YEATS2: variants seen among roughly 807,000 people sequenced by gnomAD.
YEATS2 encodes the protein YEATS domain containing 2, also known as YEATS domain-containing protein 2.
A neutral mutation model predicts 163.2 loss-of-function variants in YEATS2; 77 were observed. That is an observed-to-expected ratio of 0.47 (90% CI 0.39 to 0.57). The LOEUF (loss-of-function observed/expected upper bound fraction) is 0.57, where lower values mean the gene tolerates loss of function less well. Among genes scored for constraint, YEATS2 ranks in the 20% least tolerant of loss-of-function variants. YEATS2 has a pLI of 0.00. For missense variants in YEATS2, 1,549 were observed against 1,729.8 expected (o/e 0.90, Z 1.85); for synonymous variants, 631 against 645.1 (o/e 0.98, Z 0.33).
In YEATS2 at chr3:183,762,123, A is replaced by G; in HGVS notation, c.1791A>G (p.Glu597=). 1.2e-6 allele frequency: 2 copies of G among 1,614,146 alleles called. No homozygotes were observed. Among genetic ancestry groups the G allele is most frequent in the African/African-American group, 2.7e-5 (2 of 75,032 alleles). ...TGATCATCAAACAGGAACCTGGTGA[A>G]GCCCCTCACGTGCCCGCAACAGGAG... ...TKVIIKQEPG[E]APHVPATGAA... Residue 597 remains glutamate (E), a synonymous_variant, in exon 15 of 31, where the codon GAA becomes GAG. Coordinates refer to ENST00000305135, the MANE Select transcript of YEATS2 (RefSeq NM_018023.5).
Position 183,781,554 on chromosome 3 carries a change from A to G in YEATS2, c.2736+3854A>G, listed in dbSNP as rs538094889. ...CATCCCTCAGCCCACTCAAGTTGAC[A>G]TAAAATTAACCATCACAACAGTACT... is the stretch of plus-strand genomic sequence containing the variant. On this transcript the variant is annotated intron_variant, in intron 19 of 30. Transcript: ENST00000305135. 7.2e-5 allele frequency among the ~76,000 whole-genome samples: 11 copies of G among 152,326 alleles called. No homozygotes were observed. The East Asian group carries it at 1.2e-3, about 16-fold the overall frequency.
Position 183,790,827 on chromosome 3 carries a change from A to G in YEATS2, c.2944A>G (p.Thr982Ala). Residue 982 changes from threonine (T) to alanine (A), a missense_variant, in exon 21 of 31, where the codon ACG becomes GCG. Physicochemically the swap from Thr to Ala is moderately conservative, Grantham distance 58. Coordinates refer to ENST00000305135, the MANE Select transcript of YEATS2 (RefSeq NM_018023.5). ...AGGAATGGCTCCCGTGTCTTCATCT[A>G]CGGTCAGTTCTGTAACGAAAACTTC... Reference protein sequence around the residue: ...SEGMAPVSSSTVSSVTKTSGQ... With the variant: ...SEGMAPVSSSAVSSVTKTSGQ... The G allele has an allele frequency of 2.5e-6, 4 of 1,614,086 alleles. No homozygotes were observed. Among genetic ancestry groups the G allele is most frequent in the African/African-American group, 1.3e-5 (1 of 75,020 alleles).
At chr3:183,780,073 G>C (rs1359148712) in intron 19 of YEATS2, among the ~76,000 whole-genome samples, 1 of 149,684 alleles carries the variant, frequency 6.7e-6, no homozygotes. Flanking sequence ...AAATTGCTGT[G>C]GTTTCAGATT....
chr3:183,758,654 C>A (rs1178193591), intron 12 of YEATS2, among the ~76,000 whole-genome samples: 1 of 151,990 alleles, frequency 6.6e-6, no homozygotes, highest in African/African-American at 2.4e-5. Flanking sequence ...CAGCTTCTTA[C>A]CTTCTTCAGG....
chr3:183,701,067 G>A (rs919744055), intron 1 of YEATS2, among the ~76,000 whole-genome samples: 2 of 150,898 alleles, frequency 1.3e-5, no homozygotes, highest in African/African-American at 2.4e-5. Flanking sequence ...GTGTGTGTGT[G>A]TGTGTATATA....
chr3:183,781,385 C>T (rs776553351), intron 19 of YEATS2, among the ~76,000 whole-genome samples: 24 of 152,164 alleles, frequency 1.6e-4, no homozygotes, highest in Non-Finnish European at 3.2e-4. Flanking sequence ...AGAGAGAATT[C>T]GCCCATTGTC....
At chr3:183,745,007 T>C (rs904507690) in intron 8 of YEATS2, among the ~76,000 whole-genome samples, 18 of 152,108 alleles carry the variant, frequency 1.2e-4, no homozygotes, top group African/African-American at 4.3e-4. Context: ...CACGCCACCA[T>C]GCCCAGCTAA....
At chr3:183,732,807 C>G (rs1197564727) in intron 7 of YEATS2, among the ~76,000 whole-genome samples, 2 of 152,164 alleles carry the variant, frequency 1.3e-5, no homozygotes, top group Non-Finnish European at 2.9e-5. Flanking sequence ...GATCTGCCCA[C>G]CTCGGCCTCC....
At chr3:183,753,171 G>A (rs1391496263) in intron 10 of YEATS2, among the ~76,000 whole-genome samples, 2 of 152,074 alleles carry the variant, frequency 1.3e-5, no homozygotes, top group African/African-American at 2.4e-5. Flanking sequence ...GCTTCTGATT[G>A]TGCGAGCAAG....
intron 20 of YEATS2, among the ~76,000 whole-genome samples, chr3:183,789,515 A>G (rs1340124360): frequency 7.6e-6 from 1 of 131,784 alleles, no homozygotes; most frequent in Non-Finnish European, 1.6e-5. Context: ...TTTCAGATTC[A>G]TTCGAGTTAA....
intron 5 of YEATS2, among the ~76,000 whole-genome samples, chr3:183,724,027 A>T (rs1262219978): frequency 2.0e-5 from 3 of 152,234 alleles, no homozygotes; most frequent in African/African-American, 7.2e-5. Flanking sequence ...TGTACCAGGC[A>T]CTTATTTCTC....
chr3:183,721,964 C>G lies in YEATS2; in HGVS notation c.365C>G (p.Ser122Ter). The G allele has an allele frequency of 6.2e-7, 1 of 1,614,116 alleles. No homozygotes were observed. Among genetic ancestry groups the G allele is most frequent in the Non-Finnish European group, 8.5e-7 (1 of 1,180,024 alleles). Residue 122 changes from serine (S) to a stop codon, truncating the protein, a stop_gained, in exon 5 of 31, where the codon TCA (serine) becomes TGA (stop). Coordinates refer to ENST00000305135, the MANE Select transcript of YEATS2 (RefSeq NM_018023.5). LOFTEE classifies it high-confidence loss of function. ...IKKFLESPSR[S>*]SSPANQRAET... ...AAATTTTTGGAATCACCATCTAGGT[C>G]ATCATCTCCTGCCAATCAGAGAGCA... is the stretch of plus-strand genomic sequence containing the variant.
At chr3:183,701,084 A>AT (rs1714038284) in intron 1 of YEATS2, among the ~76,000 whole-genome samples, 1 of 145,458 alleles carries the variant, frequency 6.9e-6, no homozygotes, top group African/African-American at 2.6e-5. Context: ...TATATATATA[A>AT]ATTTTTTTTT....
chr3:183,790,793 G>A lies in YEATS2; in HGVS notation c.2914-4G>A, dbSNP rs1315150980. On this transcript the variant is annotated splice_region_variant and splice_polypyrimidine_tract_variant and intron_variant, in intron 20 of 30. Transcript: ENST00000305135. ...GTGTTGTTTCGGACCCCATGGGTGA[G>A]CAGTCTGAAGGAATGGCTCCCGTGT... 1.9e-6 allele frequency: 3 copies of A among 1,612,426 alleles called. No homozygotes were observed. The highest frequency in any genetic ancestry group is 2.5e-6 in the Non-Finnish European group (3 of 1,178,626).
chr3:183,787,727 G>A (rs1724194914), intron 20 of YEATS2, among the ~76,000 whole-genome samples: 1 of 152,096 alleles, frequency 6.6e-6, no homozygotes, highest in African/African-American at 2.4e-5. Context: ...GCTGGGCGCA[G>A]TGGCTCATGC....
intron 1 of YEATS2, among the ~76,000 whole-genome samples, chr3:183,709,142 A>G (rs1714922101): frequency 1.3e-5 from 2 of 151,796 alleles, no homozygotes; most frequent in Non-Finnish European, 2.9e-5. Flanking sequence ...CCTGGGCGAC[A>G]AAAGTGAGAC....
intron 6 of YEATS2, among the ~76,000 whole-genome samples, chr3:183,725,116 T>G (rs1716950015): frequency 6.6e-6 from 1 of 150,724 alleles, no homozygotes; most frequent in African/African-American, 2.4e-5. Flanking sequence ...AGGTATCCTA[T>G]TTTTCATTTG....
intron 20 of YEATS2, among the ~76,000 whole-genome samples, chr3:183,787,862 G>C (rs935845424): frequency 6.6e-6 from 1 of 151,918 alleles, no homozygotes; most frequent in South Asian, 2.1e-4. Flanking sequence ...AATTAGCGGG[G>C]CGTGGTGACG....
At chr3:183,702,607 C>T (rs1289046946) in intron 1 of YEATS2, among the ~76,000 whole-genome samples, 6 of 151,948 alleles carry the variant, frequency 3.9e-5, no homozygotes, top group African/African-American at 1.5e-4. Context: ...GAGGCTGAGG[C>T]GGGTGGATCA....
Sources: gnomAD v4.1 joint callset for allele counts (sites outside exome capture counted in the v4.1 genomes callset) on GRCh38, gnomAD v4.1.1 for gene constraint, MANE v1.5 for transcripts, NCBI Gene and HGNC (gene_info 2026-07-23, HGNC 2026-07-21) for gene names.